Variants in STAC3 observed in about 807,000 individuals in gnomAD.
STAC3 encodes SH3 and cysteine rich domain 3.
Under a neutral mutation model 48.5 loss-of-function variants are expected in STAC3, and 30 were observed. The ratio of observed to expected loss-of-function variants is 0.62; its 90% CI spans 0.46 to 0.84. The LOEUF is 0.84. Ranked by LOEUF, STAC3 falls within the 40% of genes least tolerant of loss-of-function variation. The pLI is 0.00. For missense variants in STAC3, 419 were observed against 462.6 expected (o/e 0.91, Z 0.86); for synonymous variants, 144 against 158.6 (o/e 0.91, Z 0.69).
chr12:57,250,717 G>A (rs2136840143), intron 1 of STAC3, among the ~76,000 whole-genome samples: 1 of 152,202 alleles, frequency 6.6e-6, no homozygotes, highest in East Asian at 1.9e-4. Flanking sequence ...GGGGCCCTGT[G>A]CCTAGTTCTG....
At chr12:57,247,894 G>T (rs143001767) in intron 5 of STAC3, among the ~76,000 whole-genome samples, 1,539 of 152,298 alleles carry the variant, frequency 0.01, 18 homozygotes, top group African/African-American at 0.036. Flanking sequence ...GAAGATTCCA[G>T]TCTTGGCTCT....
rs765168625 is a variant in STAC3 at position 57,243,598 on chromosome 12, C to A, written c.*214G>T. 7 of 520,730 alleles carry A rather than the reference C, an allele frequency of 1.3e-5. No homozygotes were observed. Among genetic ancestry groups the A allele is most frequent in the South Asian group, 1.1e-4 (7 of 64,654 alleles). 32.3% of individuals were successfully genotyped at this position (520,730 alleles called of 1,614,324 possible). ...CTTGCAAGCGGGGCCTGAAAGGTTT[C>A]GGGTCCGGGCTGCTCTGGGCAGCAG... On this transcript the variant is annotated 3_prime_UTR_variant, in exon 12 of 12. Transcript: ENST00000332782.
intron 5 of STAC3, among the ~76,000 whole-genome samples, chr12:57,247,361 G>A (rs372174358): frequency 6.0e-5 from 9 of 149,814 alleles, no homozygotes; most frequent in African/African-American, 2.0e-4. Context: ...CCAAATAAAT[G>A]TTGAGCAAAT....
chr12:57,247,422 A>ATTTTTTT (rs1380789337), intron 5 of STAC3, among the ~76,000 whole-genome samples: 68 of 68,380 alleles, frequency 9.9e-4, no homozygotes, highest in African/African-American at 2.7e-3. Flanking sequence ...TATTATTATT[A>ATTTTTTT]TTATTATTTT....
intron 4 of STAC3, 179 bp from the exon 5 acceptor site, chr12:57,248,377 C>G (rs926858783): frequency 2.5e-6 from 1 of 395,164 alleles, no homozygotes; most frequent in Non-Finnish European, 4.6e-6. Flanking sequence ...CATGTCCCCT[C>G]TTTTTTTTTT....
chr12:57,244,052 A>G (rs1035843660), intron 11 of STAC3, 36 bp downstream of exon 11: 2 of 1,613,828 alleles, frequency 1.2e-6, no homozygotes, highest in Non-Finnish European at 1.7e-6. Context: ...GCTAGGGAGC[A>G]TTCAGGCCTG....
At chr12:57,247,208 G>A (rs2037761889) in intron 5 of STAC3, among the ~76,000 whole-genome samples, 1 of 152,026 alleles carries the variant, frequency 6.6e-6, no homozygotes, top group African/African-American at 2.4e-5. Flanking sequence ...TGAGACATGC[G>A]CAGAATCACT....
rs1220022774 is a variant in STAC3 at position 57,248,205 on chromosome 12, G to C, written c.433-7C>G. 6.2e-7 allele frequency: 1 copy of C among 1,611,746 alleles called. No individual in the cohort carries two copies. The highest frequency in any genetic ancestry group is 1.3e-5 in the African/African-American group (1 of 74,878). On this transcript the variant is annotated splice_region_variant and splice_polypyrimidine_tract_variant and intron_variant, in intron 4 of 11. Coordinates refer to ENST00000332782, the MANE Select transcript of STAC3 (RefSeq NM_145064.3). ...CCCGATGGAAACCAGGTGGCTGTAG[G>C]ATGGGATGAGAGGAAGCATTAGAGG...
intron 8 of STAC3, 97 bp from the exon 9 acceptor site, chr12:57,244,719 C>G (rs1256431455): frequency 6.8e-7 from 1 of 1,474,998 alleles, no homozygotes; most frequent in Non-Finnish European, 9.4e-7. Context: ...ACTCTACACT[C>G]CAACTCTCTT....
chr12:57,244,523 C>T lies in STAC3; in HGVS notation c.806+14G>A. 1 of 1,614,180 alleles carries T rather than the reference C, an allele frequency of 6.2e-7. No individual in the cohort carries two copies. ...CACTCCGCAGTACCAGCCCCCTGCCCCAAGGCCTCTCACGGGAAATCCAGA... is the reference window on the plus strand; with the variant it reads ...CACTCCGCAGTACCAGCCCCCTGCCTCAAGGCCTCTCACGGGAAATCCAGA... On this transcript the variant is annotated intron_variant, in intron 9 of 11. Coordinates refer to ENST00000332782, the MANE Select transcript of STAC3 (RefSeq NM_145064.3).
chr12:57,250,751 C>G (rs61937594), intron 1 of STAC3, among the ~76,000 whole-genome samples: 1 of 152,104 alleles, frequency 6.6e-6, no homozygotes, highest in African/African-American at 2.4e-5. Context: ...CAGGGCTCAG[C>G]TATTTTAAGT....
intron 6 of STAC3, among the ~76,000 whole-genome samples, chr12:57,246,375 TTTCCTTCC>T (rs202090435): frequency 7.0e-6 from 1 of 143,660 alleles, no homozygotes; most frequent in Non-Finnish European, 1.5e-5. Context: ...CCTTCCTTCC[TTTCCTTCC>T]TTCCTTCCTT....
At chr12:57,246,723 T>A in intron 6 of STAC3, 81 bp downstream of exon 6, 1 of 1,315,860 alleles carries the variant, frequency 7.6e-7, no homozygotes, top group Non-Finnish European at 1.1e-6. Flanking sequence ...AATCCATTAC[T>A]TCTGTCAGCT....
At position 57,244,909 on chromosome 12, in the gene STAC3, T is replaced by G. The variant is rs775887647; in HGVS notation, c.720+7A>C. ...CTGGGTTCCTTGCAGGGAGGAAGGA[T>G]TCTTACCTTGTCATCAGGTGTCTTC... On this transcript the variant is annotated splice_region_variant and intron_variant, in intron 8 of 11. Transcript: ENST00000332782. 5.6e-6 allele frequency: 9 copies of G among 1,613,978 alleles called. No homozygotes were observed. In the African/African-American group the frequency reaches 8.0e-5, roughly 14 times the overall value.
At chr12:57,246,682 G>C (rs1395934766) in intron 6 of STAC3, 122 bp downstream of exon 6, 6 of 903,334 alleles carry the variant, frequency 6.6e-6, no homozygotes, top group Non-Finnish European at 1.1e-5. Context: ...CACCATGCCT[G>C]GCCGAGTTTT....
rs772643404 is a variant in STAC3, at chr12:57,249,188, T to C, written c.187A>G (p.Ile63Val). 7 of 1,614,018 alleles carry C rather than the reference T, an allele frequency of 4.3e-6. No individual in the cohort carries two copies. Among genetic ancestry groups the C allele is most frequent in the Admixed American group, 1.7e-5 (1 of 60,010 alleles). ...VGAGGGPIYY[I>V]YEEEEEEEEE... The stretch of plus-strand genomic sequence containing the variant: ...TCTTCCTCTTCCTCTTCCTCATAGA[T>C]GTAGTAGATGGGCCCACCCCCAGCT... The change falls in exon 3 of 12, where the codon ATC becomes GTC. Residue 63 changes from isoleucine to valine, a missense_variant. By Grantham distance (29) the Ile-to-Val change is conservative (BLOSUM62 3). Coordinates refer to ENST00000332782, the MANE Select transcript of STAC3 (RefSeq NM_145064.3).
At position 57,243,521 on chromosome 12, in the gene STAC3, C is replaced by T. The variant is rs1235382329; in HGVS notation, c.*291G>A. On this transcript the variant is annotated 3_prime_UTR_variant, in exon 12 of 12. Transcript: ENST00000332782. ...ACAGTTCGCCCTCCCTCGCCCCCGC[C>T]CCCCGCCCCAGTCCCTGGCTCCTCC... is the stretch of plus-strand genomic sequence containing the variant. 5.4e-6 allele frequency: 3 copies of T among 560,488 alleles called. No homozygotes were observed. The highest frequency in any genetic ancestry group is 7.5e-5 in the East Asian group (2 of 26,818). 34.7% of individuals were successfully genotyped at this position (560,488 alleles called of 1,614,324 possible). A position where few individuals can be genotyped will look rare whatever the true frequency, so the allele number is the denominator to read the frequency against.
chr12:57,249,084 GA>G lies in STAC3; in HGVS notation c.290del (p.Phe97SerfsTer13). The G allele has an allele frequency of 6.2e-7, 1 of 1,610,014 alleles. No individual in the cohort carries two copies. Among genetic ancestry groups the G allele is most frequent in the Non-Finnish European group, 8.5e-7 (1 of 1,177,788 alleles). The part of the protein sequence containing the change: ...DKPHKFKDHF[F>X]KKPKFCDVCA... Reference sequence around the variant, plus strand: ...AGACATCACAGAACTTTGGCTTCTTGAAGAAGTGATCTTTGAATTTGTGGGG... The same window carrying G: ...AGACATCACAGAACTTTGGCTTCTTGAGAAGTGATCTTTGAATTTGTGGGG... On this transcript the variant is annotated frameshift_variant, in exon 3 of 12. Transcript: ENST00000332782. LOFTEE classifies it high-confidence loss of function.
Position 57,243,907 on chromosome 12 carries a change from C to A in STAC3, c.1000G>T (p.Val334Leu). 2 of 1,613,740 alleles carry A rather than the reference C, an allele frequency of 1.2e-6. No homozygotes were observed. The highest frequency in any genetic ancestry group is 1.7e-6 in the Non-Finnish European group (2 of 1,179,884). ...GQITLKKDQI[V>L]VQKGDEAGGY... is the part of the protein sequence containing the mutation. Reference sequence around the variant, plus strand: ...CCCGCTTCGTCTCCTTTCTGCACCACGATCTAGAAGATTAAAGGATCAGAA... The same window carrying A: ...CCCGCTTCGTCTCCTTTCTGCACCAAGATCTAGAAGATTAAAGGATCAGAA... Residue 334 changes from valine (V) to leucine (L), a missense_variant, in exon 12 of 12, where the codon GTG (valine) becomes TTG (leucine). Val to Leu is a conservative substitution (Grantham distance 32). Transcript: ENST00000332782.
Sources: allele counts gnomAD v4.1 joint callset (sites outside exome capture counted in the v4.1 genomes callset), GRCh38; gene constraint gnomAD v4.1.1; transcripts MANE v1.5; gene names NCBI Gene and HGNC (gene_info 2026-07-23, HGNC 2026-07-21).